TVP23A: variants seen among roughly 807,000 people sequenced by gnomAD.
TVP23A encodes the protein trans-golgi network vesicle protein 23 homolog A, also known as Golgi apparatus membrane protein TVP23 homolog A.
A neutral mutation model predicts 31.7 loss-of-function variants in TVP23A; 21 were observed. The observed-to-expected ratio is 0.66, with a 90% CI of 0.47 to 0.95. The LOEUF (loss-of-function observed/expected upper bound fraction) is 0.95, where lower values mean the gene tolerates loss of function less well. Among genes scored for constraint, TVP23A ranks in the 40% least tolerant of loss-of-function variants. The pLI is 0.00. For missense variants in TVP23A, 279 were observed against 255.6 expected (o/e 1.09, Z -0.62); for synonymous variants, 104 against 96.0 (o/e 1.08, Z -0.49).
intron 2 of TVP23A, among the ~76,000 whole-genome samples, chr16:10,791,168 A>C (rs1286234715): frequency 6.6e-6 from 1 of 152,184 alleles, no homozygotes; most frequent in Non-Finnish European, 1.5e-5. Flanking sequence ...TGACTCATTA[A>C]TAGTCAACAT....
intron 2 of TVP23A, among the ~76,000 whole-genome samples, chr16:10,805,503 G>A (rs1276877020): frequency 2.7e-5 from 4 of 149,872 alleles, no homozygotes; most frequent in Admixed American, 1.4e-4. Context: ...CTTTAATGCA[G>A]GGAATCCATG....
At chr16:10,785,677 G>A (rs953128762) in intron 2 of TVP23A, among the ~76,000 whole-genome samples, 2 of 152,206 alleles carry the variant, frequency 1.3e-5, no homozygotes, top group Non-Finnish European at 2.9e-5. Context: ...ATTTCAGGGA[G>A]ACAGGAGACA....
downstream of TVP23A, among the ~76,000 whole-genome samples, chr16:10,764,674 AGTCTGCTGGAGTAG>A (rs2030587083): frequency 7.1e-6 from 1 of 141,786 alleles, no homozygotes; most frequent in African/African-American, 2.7e-5. Flanking sequence ...GGAGCATCTC[AGTCTGCTGGAGTAG>A]GTCTATTGGA....
chr16:10,799,034 C>T (rs928351215), intron 2 of TVP23A, among the ~76,000 whole-genome samples: 1 of 152,192 alleles, frequency 6.6e-6, no homozygotes, highest in Non-Finnish European at 1.5e-5. Context: ...TTGGGAGCAG[C>T]CCTATGTTGA....
chr16:10,812,015 T>C (rs958002658), intron 2 of TVP23A, among the ~76,000 whole-genome samples: 1 of 143,654 alleles, frequency 7.0e-6, no homozygotes, highest in Non-Finnish European at 1.5e-5. Context: ...GCCTATAGAA[T>C]AAGAGAAAAT....
chr16:10,781,829 C>T (rs2032439353), intron 2 of TVP23A, among the ~76,000 whole-genome samples: 2 of 150,906 alleles, frequency 1.3e-5, no homozygotes, highest in Admixed American at 1.3e-4. Context: ...ACACGCAGCC[C>T]TCCTTCACAA....
At chr16:10,773,715 T>C (rs1291840326) in intron 4 of TVP23A, among the ~76,000 whole-genome samples, 6 of 152,070 alleles carry the variant, frequency 3.9e-5, no homozygotes, top group East Asian at 1.9e-4. Context: ...GGAATACAGG[T>C]GCCTGCCACC....
chr16:10,816,806 T>C (rs2034458680), intron 2 of TVP23A, among the ~76,000 whole-genome samples: 1 of 151,918 alleles, frequency 6.6e-6, no homozygotes, highest in African/African-American at 2.4e-5. Flanking sequence ...CACACCAACA[T>C]GGCACATGTA....
At chr16:10,773,229 AC>A in intron 5 of TVP23A, 83 bp downstream of exon 5, 1 of 1,469,780 alleles carries the variant, frequency 6.8e-7, no homozygotes, top group Non-Finnish European at 9.1e-7. Context: ...TCAATCAATA[AC>A]AAATAACAAC....
At chr16:10,793,095 C>G (rs535926947) in intron 2 of TVP23A, among the ~76,000 whole-genome samples, 1 of 152,072 alleles carries the variant, frequency 6.6e-6, no homozygotes, top group Non-Finnish European at 1.5e-5. Flanking sequence ...TAAAGACCAA[C>G]CTGGGCAACA....
intron 5 of TVP23A, 78 bp from the exon 6 acceptor site, chr16:10,771,876 A>T: frequency 1.3e-6 from 2 of 1,511,902 alleles, no homozygotes; most frequent in Non-Finnish European, 1.8e-6. Flanking sequence ...TGGGGTGCAG[A>T]GGCACGATCT....
Position 10,778,161 on chromosome 16 carries a change from C to T in TVP23A, c.90-3065G>A, listed in dbSNP as rs540094390. 3.3e-5 allele frequency among the ~76,000 whole-genome samples: 5 copies of T among 152,146 alleles called. No homozygotes were observed. In the South Asian group the frequency reaches 8.3e-4, roughly 25 times the overall value. On this transcript the variant is annotated intron_variant, in intron 2 of 7. Coordinates refer to ENST00000299866, the MANE Select transcript of TVP23A (RefSeq NM_001079512.4). ...CCAGCGTGGCCAACATGGTAAAACT[C>T]CGTCTCTACTAAAAATACAAAAATT...
chr16:10,763,846 C>T (rs368953649), downstream of TVP23A: 30 of 158,830 alleles, frequency 1.9e-4, no homozygotes, highest in East Asian at 5.7e-4. Flanking sequence ...AAGAGCATCA[C>T]GGCCCATAGG....
At chr16:10,793,058 G>A (rs1237292303) in intron 2 of TVP23A, among the ~76,000 whole-genome samples, 1 of 152,188 alleles carries the variant, frequency 6.6e-6, no homozygotes, top group East Asian at 1.9e-4. Flanking sequence ...GGAGGCCGAG[G>A]TGGGTGGATC....
chr16:10,761,137 A>G (rs1428225951), downstream of TVP23A: 8 of 429,358 alleles, frequency 1.9e-5, no homozygotes, highest in South Asian at 9.6e-5. Context: ...CCATGATCCA[A>G]TCACCTCCCA....
intron 2 of TVP23A, among the ~76,000 whole-genome samples, chr16:10,788,065 A>G (rs1596529367): frequency 6.6e-6 from 1 of 152,102 alleles, no homozygotes; most frequent in South Asian, 2.1e-4. Context: ...GGCTTCATAC[A>G]TTTTAGGGAG....
downstream of TVP23A, chr16:10,758,044 C>G (rs1242819409): frequency 6.2e-7 from 1 of 1,610,304 alleles, no homozygotes; most frequent in Non-Finnish European, 8.5e-7. Context: ...GAGCTGCCAG[C>G]TGGAGCTGGG....
At chr16:10,759,315 A>G (rs1474522002), downstream of TVP23A, among the ~76,000 whole-genome samples, 1 of 152,188 alleles carries the variant, frequency 6.6e-6, no homozygotes, top group Non-Finnish European at 1.5e-5. The surrounding 1 kb of genome is among the most constrained non-coding windows in gnomAD (Gnocchi z 4.7). Context: ...AAATGGTGCA[A>G]GATTCATGTC....
intron 2 of TVP23A, among the ~76,000 whole-genome samples, chr16:10,804,681 G>A (rs1260543355): frequency 6.6e-6 from 1 of 152,190 alleles, no homozygotes; most frequent in African/African-American, 2.4e-5. Context: ...AGGAGCTCGA[G>A]GCTGCTGAGG....
Sources: gnomAD v4.1 joint callset for allele counts (sites outside exome capture counted in the v4.1 genomes callset) on GRCh38, gnomAD v4.1.1 for gene constraint, Gnocchi (gnomAD v3.1) non-coding constraint, MANE v1.5 for transcripts, NCBI Gene and HGNC (gene_info 2026-07-23, HGNC 2026-07-21) for gene names.